FAM220A: variants seen among roughly 807,000 people sequenced by gnomAD.
The protein encoded by FAM220A is family with sequence similarity 220 member A, also known as protein FAM220A.
For missense variants in FAM220A, 392 were observed against 321.6 expected (o/e 1.22, Z -1.68); for synonymous variants, 141 against 130.7 (o/e 1.08, Z -0.54).
intron 1 of FAM220A, among the ~76,000 whole-genome samples, chr7:6,332,021 A>C (rs1280258882): frequency 6.6e-6 from 1 of 150,984 alleles, no homozygotes; most frequent in Non-Finnish European, 1.5e-5. Flanking sequence ...CTGAGGTGGG[A>C]GAATCGCTTG....
At chr7:6,338,293 T>G (rs991307326) in intron 1 of FAM220A, among the ~76,000 whole-genome samples, 1 of 152,162 alleles carries the variant, frequency 6.6e-6, no homozygotes, top group African/African-American at 2.4e-5. Context: ...TAGAGATATA[T>G]TGTACCAGAT....
At position 6,331,176 on chromosome 7, in the gene FAM220A, T is replaced by G. The variant is rs772759545; in HGVS notation, c.-22A>C. On this transcript the variant is annotated 5_prime_UTR_variant, in exon 2 of 2. Coordinates refer to ENST00000313324, the MANE Select transcript of FAM220A (RefSeq NM_001037163.2). ...TCATGCTTCGTGTTCTTGGATGCGG[T>G]GGGCCTGAGGTCACGCCTTCGTCAG... is the stretch of plus-strand genomic sequence containing the variant. The G allele has an allele frequency of 8.1e-6, 13 of 1,601,540 alleles. No homozygotes were observed. Among genetic ancestry groups the G allele is most frequent in the African/African-American group, 2.7e-5 (2 of 74,636 alleles).
chr7:6,341,504 G>A (rs1186467476), intron 1 of FAM220A, among the ~76,000 whole-genome samples: 1 of 149,180 alleles, frequency 6.7e-6, no homozygotes, highest in Non-Finnish European at 1.5e-5. Flanking sequence ...CTAACGTGGT[G>A]AAACCCTGCC....
chr7:6,343,995 C>G (rs532881113), intron 1 of FAM220A, among the ~76,000 whole-genome samples: 1 of 152,262 alleles, frequency 6.6e-6, no homozygotes, highest in East Asian at 1.9e-4. Context: ...AGGTGATCCT[C>G]CCACCTCAGC....
Position 6,331,057 on chromosome 7 carries a change from CT to C in FAM220A, c.97del (p.Arg33GlufsTer15). 1.2e-6 allele frequency: 2 copies of C among 1,613,816 alleles called. No individual in the cohort carries two copies. Among genetic ancestry groups the C allele is most frequent in the Non-Finnish European group, 1.7e-6 (2 of 1,180,014 alleles). ...SDKLSCSLKK[R>X]MPEGPWPADA... ...TGCAGGCCAAGGGCCCTCCGGCATTCTTTTCTTAAGGCTGCATGATAGTTTG... is the reference window on the plus strand; with the variant it reads ...TGCAGGCCAAGGGCCCTCCGGCATTCTTTCTTAAGGCTGCATGATAGTTTG... On this transcript the variant is annotated frameshift_variant, in exon 2 of 2. Transcript: ENST00000313324. LOFTEE classifies it low-confidence loss of function (END_TRUNC).
intron 1 of FAM220A, among the ~76,000 whole-genome samples, chr7:6,343,978 C>G (rs1457537400): frequency 1.3e-5 from 2 of 152,208 alleles, no homozygotes; most frequent in Admixed American, 6.6e-5. Flanking sequence ...CTTGAACTCC[C>G]AGGCACAGGT....
chr7:6,336,316 C>T (rs1022944867), intron 1 of FAM220A, among the ~76,000 whole-genome samples: 1 of 151,978 alleles, frequency 6.6e-6, no homozygotes, highest in Non-Finnish European at 1.5e-5. Context: ...CCACTATACT[C>T]CAGCCTGCGC....
intron 1 of FAM220A, among the ~76,000 whole-genome samples, chr7:6,348,040 A>G (rs549415077): frequency 6.6e-6 from 1 of 151,288 alleles, no homozygotes; most frequent in Admixed American, 6.6e-5. Flanking sequence ...CCTCCCGAGT[A>G]GCTGGGATTA....
In FAM220A at chr7:6,348,627, G is replaced by T. The variant is rs1782001067; in HGVS notation, c.-136C>A. The T allele has an allele frequency of 6.0e-6, 3 of 501,650 alleles. No homozygotes were observed. Among genetic ancestry groups the T allele is most frequent in the South Asian group, 6.2e-5 (2 of 32,448 alleles). 31.1% of individuals were successfully genotyped at this position (501,650 alleles called of 1,614,324 possible). A position where few individuals can be genotyped will look rare whatever the true frequency, so the allele number is the denominator to read the frequency against. ...CCACGATGTAGAGGTAGGGGAAGTTGATACGCAGCCGCCAGGCCAGGTCGA... is the reference window on the plus strand; with the variant it reads ...CCACGATGTAGAGGTAGGGGAAGTTTATACGCAGCCGCCAGGCCAGGTCGA... On this transcript the variant is annotated 5_prime_UTR_variant, in exon 1 of 2. Transcript: ENST00000313324.
chr7:6,334,627 C>T (rs931364337), intron 1 of FAM220A, among the ~76,000 whole-genome samples: 3 of 151,414 alleles, frequency 2.0e-5, no homozygotes, highest in African/African-American at 7.3e-5. Flanking sequence ...CCGCCACGCC[C>T]GGCTAATTTT....
At chr7:6,345,402 A>C (rs1781934284) in intron 1 of FAM220A, among the ~76,000 whole-genome samples, 1 of 152,166 alleles carries the variant, frequency 6.6e-6, no homozygotes, top group Non-Finnish European at 1.5e-5. Flanking sequence ...GGCATGAGCC[A>C]CCACACCCAG....
chr7:6,331,336 T>C (rs1781630652), intron 1 of FAM220A, 101 bp from the exon 2 acceptor site: 4 of 650,508 alleles, frequency 6.1e-6, no homozygotes, highest in Admixed American at 5.9e-5. Flanking sequence ...GAGATCTTTA[T>C]GACAGTCTCC....
At chr7:6,341,024 G>C (rs1781843788) in intron 1 of FAM220A, among the ~76,000 whole-genome samples, 1 of 147,424 alleles carries the variant, frequency 6.8e-6, no homozygotes, top group African/African-American at 2.5e-5. Flanking sequence ...GGAACCTACA[G>C]TCCCAGCTAC....
rs1008862064 is a variant in FAM220A at position 6,348,905 on chromosome 7, C to G, written c.-414G>C. 1.0e-5 allele frequency: 4 copies of G among 386,854 alleles called. No individual in the cohort carries two copies. The highest frequency in any genetic ancestry group is 1.8e-5 in the Non-Finnish European group (4 of 219,080). The allele number at this position is 386,854 out of a possible 1,614,324, so 24.0% of individuals were successfully genotyped here. A position where few individuals can be genotyped will look rare whatever the true frequency, so the allele number is the denominator to read the frequency against. On this transcript the variant is annotated 5_prime_UTR_variant, in exon 1 of 2. Coordinates refer to ENST00000313324, the MANE Select transcript of FAM220A (RefSeq NM_001037163.2). ...GCGGGCCGCAGTGGAGCGGAGTCCG[C>G]ACGTCACGCTCGGAGAAGTGCCTCC... is the stretch of plus-strand genomic sequence containing the variant.
rs745930977 is a variant in FAM220A at position 6,330,437 on chromosome 7, T to C, written c.718A>G (p.Ile240Val). The C allele has an allele frequency of 9.9e-6, 16 of 1,614,090 alleles. No individual in the cohort carries two copies. Among genetic ancestry groups the C allele is most frequent in the Non-Finnish European group, 1.4e-5 (16 of 1,180,040 alleles). The change falls in exon 2 of 2, where the codon ATA becomes GTA. Residue 240 changes from isoleucine to valine, a missense_variant. Transcript: ENST00000313324. Reference sequence around the variant, plus strand: ...TGCAGAGCCAGTAACCCCAGTGTTATCTGCAGACCATCTGAGGTGCTTTTA... The same window carrying C: ...TGCAGAGCCAGTAACCCCAGTGTTACCTGCAGACCATCTGAGGTGCTTTTA... Reference protein sequence around the residue: ...MLKSTSDGLQITLGLLALQPF... With the variant: ...MLKSTSDGLQVTLGLLALQPF...
chr7:6,346,470 G>A (rs112325104), intron 1 of FAM220A, among the ~76,000 whole-genome samples: 3,627 of 152,140 alleles, frequency 0.024, 115 homozygotes, highest in East Asian at 0.1. Context: ...AGGCTCAAGC[G>A]ATCCTCCCAC....
intron 1 of FAM220A, chr7:6,342,114 T>C (rs1781870506): frequency 6.6e-6 from 1 of 152,224 alleles, no homozygotes; most frequent in Non-Finnish European, 1.5e-5. Context: ...TGCCAGGTGC[T>C]GTTCTAGGTG....
At chr7:6,345,487 G>A (rs1781935333) in intron 1 of FAM220A, among the ~76,000 whole-genome samples, 2 of 152,174 alleles carry the variant, frequency 1.3e-5, no homozygotes, top group South Asian at 4.2e-4. Context: ...AATAGTCCAG[G>A]CGAGTGGATA....
At position 6,348,853 on chromosome 7, in the gene FAM220A, G is replaced by A. The variant is rs1487150812; in HGVS notation, c.-362C>T. 7.7e-6 allele frequency: 3 copies of A among 391,610 alleles called. No homozygotes were observed. The highest frequency in any genetic ancestry group is 4.5e-5 in the Admixed American group (1 of 22,332). The allele number at this position is 391,610 out of a possible 1,614,324, so 24.3% of individuals were successfully genotyped here. A position where few individuals can be genotyped will look rare whatever the true frequency, so the allele number is the denominator to read the frequency against. Reference sequence around the variant, plus strand: ...TCGCCTGGCGTGCTCAGGGAGCGAAGGAGGCGGCGGCTAGACCGGCGGGCG... The same window carrying A: ...TCGCCTGGCGTGCTCAGGGAGCGAAAGAGGCGGCGGCTAGACCGGCGGGCG... On this transcript the variant is annotated 5_prime_UTR_variant, in exon 1 of 2. Coordinates refer to ENST00000313324, the MANE Select transcript of FAM220A (RefSeq NM_001037163.2).
Sources: gnomAD v4.1 joint callset for allele counts (sites outside exome capture counted in the v4.1 genomes callset) on GRCh38, gnomAD v4.1.1 for gene constraint, MANE v1.5 for transcripts, NCBI Gene and HGNC (gene_info 2026-07-23, HGNC 2026-07-21) for gene names.